Variants in XKR4 observed in about 807,000 individuals in gnomAD.
XKR4 encodes XK-related protein 4.
XKR4 carries 12 observed loss-of-function variants against 53.9 expected under a neutral mutation model. That is an observed-to-expected ratio of 0.22 (90% CI 0.14 to 0.36). XKR4 has a LOEUF of 0.36. Ranked by LOEUF, XKR4 falls within the 10% of genes least tolerant of loss-of-function variation. The pLI, the probability that XKR4 is intolerant of heterozygous loss-of-function variation, is 1.00. For synonymous variants in XKR4, 354 were observed against 362.4 expected (o/e 0.98, Z 0.26); for missense variants, 799 against 859.5 (o/e 0.93, Z 0.88).
chr8:55,407,693 A>G (rs1804706034), intron 2 of XKR4, among the ~76,000 whole-genome samples: 1 of 152,262 alleles, frequency 6.6e-6, no homozygotes, highest in African/African-American at 2.4e-5. Context: ...TTTGTGGAGC[A>G]CTGGGCACTA....
chr8:55,259,331 T>A (rs1381558277), intron 1 of XKR4, among the ~76,000 whole-genome samples: 1 of 152,244 alleles, frequency 6.6e-6, no homozygotes, highest in East Asian at 1.9e-4. Flanking sequence ...AATTAGATAA[T>A]GTATGTAAAG....
At chr8:55,292,837 T>C (rs1819049667) in intron 1 of XKR4, among the ~76,000 whole-genome samples, 1 of 152,172 alleles carries the variant, frequency 6.6e-6, no homozygotes, top group South Asian at 2.1e-4. Context: ...GTATTTTCAT[T>C]TTCATTCAGT....
chr8:55,379,064 T>C (rs962276239), intron 2 of XKR4, among the ~76,000 whole-genome samples: 31 of 152,176 alleles, frequency 2.0e-4, no homozygotes, highest in Non-Finnish European at 3.1e-4. Flanking sequence ...GTAACCCTGC[T>C]GTTCTTTGAG....
intron 1 of XKR4, among the ~76,000 whole-genome samples, chr8:55,240,108 G>A (rs530257959): frequency 6.6e-6 from 1 of 152,270 alleles, no homozygotes; most frequent in African/African-American, 2.4e-5. Context: ...CTTGTCCCCA[G>A]CATCTGGCAC....
chr8:55,254,038 A>G (rs908624379), intron 1 of XKR4, among the ~76,000 whole-genome samples: 1 of 151,772 alleles, frequency 6.6e-6, no homozygotes, highest in Non-Finnish European at 1.5e-5. Context: ...ATTTTCTTGT[A>G]CACCTTGCCT....
chr8:55,507,247 T>C (rs905190612), intron 2 of XKR4, among the ~76,000 whole-genome samples: 1 of 152,228 alleles, frequency 6.6e-6, no homozygotes, highest in South Asian at 2.1e-4. Flanking sequence ...ATTGAGAACT[T>C]AGACTTGGCT....
intron 1 of XKR4, among the ~76,000 whole-genome samples, chr8:55,313,713 G>T (rs993771083): frequency 6.6e-5 from 10 of 152,190 alleles, no homozygotes; most frequent in Non-Finnish European, 1.2e-4. Flanking sequence ...AATGTCAAAA[G>T]CAACTTCGAG....
intron 2 of XKR4, among the ~76,000 whole-genome samples, chr8:55,368,964 A>T (rs909560629): frequency 7.2e-5 from 11 of 152,226 alleles, no homozygotes; most frequent in Admixed American, 7.2e-4. Context: ...TGGAATTTTT[A>T]AAATATTTAC....
chr8:55,274,663 C>CCT (rs1194718364), intron 1 of XKR4, among the ~76,000 whole-genome samples: 1 of 152,064 alleles, frequency 6.6e-6, no homozygotes, highest in African/African-American at 2.4e-5. Context: ...GAACTCCTGG[C>CCT]CTCAAGTGAT....
intron 2 of XKR4, among the ~76,000 whole-genome samples, chr8:55,476,999 C>T (rs1805999630): frequency 6.6e-6 from 1 of 152,146 alleles, no homozygotes; most frequent in African/African-American, 2.4e-5. Context: ...ACAGCAGTAA[C>T]CTCTGCAGAC....
intron 1 of XKR4, among the ~76,000 whole-genome samples, chr8:55,212,595 G>T (rs1370578036): frequency 6.6e-6 from 1 of 152,194 alleles, no homozygotes; most frequent in Non-Finnish European, 1.5e-5. Context: ...ACTTTAAAAT[G>T]CCATTGGCTG....
intron 2 of XKR4, among the ~76,000 whole-genome samples, chr8:55,398,666 G>A (rs16921716): frequency 0.069 from 10,482 of 152,108 alleles, 917 homozygotes; most frequent in African/African-American, 0.2. Flanking sequence ...TACCAATCAA[G>A]CATCAGATTA....
At chr8:55,420,768 T>A (rs1804916067) in intron 2 of XKR4, among the ~76,000 whole-genome samples, 2 of 150,492 alleles carry the variant, frequency 1.3e-5, no homozygotes, top group South Asian at 4.3e-4. Context: ...ACGTGTACCC[T>A]AAAACTTAAA....
chr8:55,171,150 T>G (rs966326942), intron 1 of XKR4, among the ~76,000 whole-genome samples: 2 of 152,096 alleles, frequency 1.3e-5, no homozygotes, highest in Non-Finnish European at 2.9e-5. Context: ...GAAGAAGAGC[T>G]CAGGAAATAG....
intron 2 of XKR4, among the ~76,000 whole-genome samples, chr8:55,493,784 T>C (rs1010930554): frequency 3.9e-5 from 6 of 152,244 alleles, no homozygotes; most frequent in African/African-American, 1.4e-4. Context: ...CCAATAGTGC[T>C]ACCCATCCAC....
chr8:55,500,979 G>A (rs189406577), intron 2 of XKR4, among the ~76,000 whole-genome samples: 1 of 152,280 alleles, frequency 6.6e-6, no homozygotes, highest in African/African-American at 2.4e-5. Context: ...GATAGAAACA[G>A]GAGAGATGCA....
At chr8:55,291,082 A>G (rs764095746) in intron 1 of XKR4, among the ~76,000 whole-genome samples, 2 of 152,154 alleles carry the variant, frequency 1.3e-5, no homozygotes, top group Non-Finnish European at 1.5e-5. Context: ...GCTTTTGCCT[A>G]TAGGTGTCTG....
intron 1 of XKR4, among the ~76,000 whole-genome samples, chr8:55,253,178 A>G (rs1224821384): frequency 6.6e-6 from 1 of 152,164 alleles, no homozygotes; most frequent in Non-Finnish European, 1.5e-5. Context: ...AATTTTACTT[A>G]CTATGCTATG....
At chr8:55,437,965 AAGAAG>A (rs778254914) in intron 2 of XKR4, among the ~76,000 whole-genome samples, 1,375 of 50,440 alleles carry the variant, frequency 0.027, 17 homozygotes, top group African/African-American at 0.19. Context: ...AAAAAAAAAA[AAGAAG>A]AAGAAGAAGA....
Sources: gnomAD v4.1 joint callset for allele counts (sites outside exome capture counted in the v4.1 genomes callset) on GRCh38, gnomAD v4.1.1 for gene constraint, MANE v1.5 for transcripts, NCBI Gene and HGNC (gene_info 2026-07-23, HGNC 2026-07-21) for gene names.